Variants in FILIP1 observed in about 807,000 individuals in gnomAD.
FILIP1 encodes filamin-A-interacting protein 1.
In FILIP1, 61 loss-of-function variants were observed where a neutral mutation model predicts 102.1. The observed-to-expected ratio is 0.60, with a 90% CI of 0.49 to 0.74. FILIP1 has a LOEUF of 0.74. Among genes scored for constraint, FILIP1 ranks in the 30% least tolerant of loss-of-function variants. The pLI is 0.00. For synonymous variants in FILIP1, 491 were observed against 526.9 expected, an observed-to-expected ratio of 0.93 and a Z score of 0.93; for missense variants, 1,314 against 1,441.2, an observed-to-expected ratio of 0.91 and a Z score of 1.43.
intron 1 of FILIP1, among the ~76,000 whole-genome samples, chr6:75,456,765 G>A (rs1003807037): frequency 1.3e-5 from 2 of 151,976 alleles, no homozygotes; most frequent in Admixed American, 6.6e-5. Flanking sequence ...TCACCATGTT[G>A]GCCAGGATGG....
At chr6:75,461,944 A>G (rs1179925321) in intron 1 of FILIP1, among the ~76,000 whole-genome samples, 1 of 152,176 alleles carries the variant, frequency 6.6e-6, no homozygotes, top group Non-Finnish European at 1.5e-5. Context: ...ACAGGTCCTC[A>G]CTTGAAAAGT....
intron 1 of FILIP1, chr6:75,465,380 CAT>C (rs1399411333): frequency 6.1e-6 from 3 of 492,478 alleles, no homozygotes; most frequent in Non-Finnish European, 1.1e-5. Context: ...AGATTTGTAA[CAT>C]AAATTAATCT....
At chr6:75,444,423 T>C (rs1778374478) in intron 1 of FILIP1, among the ~76,000 whole-genome samples, 1 of 152,256 alleles carries the variant, frequency 6.6e-6, no homozygotes, top group Non-Finnish European at 1.5e-5. Context: ...GTGCTGGGCT[T>C]CTCATTGATA....
At chr6:75,298,858 C>T (rs1362816176) in intron 6 of FILIP1, among the ~76,000 whole-genome samples, 2 of 152,078 alleles carry the variant, frequency 1.3e-5, no homozygotes, top group Non-Finnish European at 2.9e-5. Context: ...GCGGAAGTTG[C>T]AGCGTGCCGA....
At position 75,315,191 on chromosome 6, in the gene FILIP1, A is replaced by C. The variant is rs367834294; in HGVS notation, c.641T>G (p.Leu214Arg). 6.5e-7 allele frequency: 1 copy of C among 1,541,114 alleles called. No homozygotes were observed. Among genetic ancestry groups the C allele is most frequent in the Non-Finnish European group, 8.7e-7 (1 of 1,149,720 alleles). Residue 214 changes from leucine to arginine, a missense_variant, in exon 5 of 6, where the codon CTC becomes CGC. Transcript: ENST00000237172. ...TTGATAAGCCTTTTCTTGTTCAAGG[A>C]GCTTTTTTAACCTAGAAAATAAAAT... The part of the protein sequence containing the change: ...LEQERERLKK[L>R]LEQEKAYQAR...
chr6:75,384,733 C>T (rs541769535), intron 2 of FILIP1: 2 of 151,408 alleles, frequency 1.3e-5, no homozygotes, highest in African/African-American at 4.9e-5. Context: ...GGCTCCAAGC[C>T]TTAGTGGACC....
chr6:75,473,769 C>T (rs1779398476), intron 1 of FILIP1: 1 of 152,160 alleles, frequency 6.6e-6, no homozygotes, highest in Non-Finnish European at 1.5e-5. Flanking sequence ...ACCCCCACTA[C>T]CACAAATTAT....
At chr6:75,461,061 C>T (rs146675780) in intron 1 of FILIP1, among the ~76,000 whole-genome samples, 2 of 152,234 alleles carry the variant, frequency 1.3e-5, no homozygotes, top group African/African-American at 2.4e-5. Context: ...CACTTTTGTA[C>T]TTATCAAATC....
At chr6:75,399,123 G>C (rs574593224) in intron 2 of FILIP1, 1 of 152,256 alleles carries the variant, frequency 6.6e-6, no homozygotes, top group African/African-American at 2.4e-5. Flanking sequence ...ATTGGCCCGT[G>C]TCACCATTGA....
intron 3 of FILIP1, among the ~76,000 whole-genome samples, chr6:75,356,642 T>G (rs902711360): frequency 2.0e-5 from 3 of 152,170 alleles, no homozygotes; most frequent in Non-Finnish European, 4.4e-5. Context: ...CTAGTTTTTG[T>G]ATTTTTAGTA....
intron 1 of FILIP1, among the ~76,000 whole-genome samples, chr6:75,429,080 T>A (rs1777731866): frequency 6.6e-6 from 1 of 152,158 alleles, no homozygotes; most frequent in South Asian, 2.1e-4. Flanking sequence ...TGTTTTTTTG[T>A]TATTGCAGAG....
At chr6:75,485,576 A>C (rs574983825) in intron 1 of FILIP1, among the ~76,000 whole-genome samples, 4 of 152,226 alleles carry the variant, frequency 2.6e-5, no homozygotes, top group African/African-American at 9.6e-5. Context: ...GAGAAAGCAA[A>C]GCATTATCTG....
intron 2 of FILIP1, among the ~76,000 whole-genome samples, chr6:75,372,471 C>T (rs1775555617): frequency 6.7e-6 from 1 of 148,880 alleles, no homozygotes; most frequent in African/African-American, 2.5e-5. Flanking sequence ...CTCAAATAGA[C>T]ATTTCTTCAA....
At chr6:75,460,499 T>C (rs11961310) in intron 1 of FILIP1, among the ~76,000 whole-genome samples, 2,399 of 152,318 alleles carry the variant, frequency 0.016, 104 homozygotes, top group East Asian at 0.11. Context: ...ATATTAGATA[T>C]TGAATCATTT....
intron 1 of FILIP1, among the ~76,000 whole-genome samples, chr6:75,424,756 C>T (rs948299269): frequency 2.0e-5 from 3 of 152,104 alleles, no homozygotes; most frequent in Non-Finnish European, 4.4e-5. Context: ...AACAAGTTAA[C>T]CTCCATGGGG....
chr6:75,372,682 A>G (rs868497770), intron 2 of FILIP1, among the ~76,000 whole-genome samples: 8 of 51,832 alleles, frequency 1.5e-4, no homozygotes, highest in African/African-American at 1.1e-3. Context: ...AGAAAGAAAG[A>G]AAGAGAAAGA....
chr6:75,487,056 CA>C (rs1250327014), intron 1 of FILIP1, among the ~76,000 whole-genome samples: 2 of 152,056 alleles, frequency 1.3e-5, no homozygotes, highest in African/African-American at 2.4e-5. Context: ...TTGGTGTATT[CA>C]AACCAGAAGA....
chr6:75,313,977 A>G lies in FILIP1; in HGVS notation c.1855T>C (p.Ser619Pro), dbSNP rs763182010. ...TTATCTTCCGGGCAGGTGAGCTCAG[A>G]CCCTTTTCGTGACCTTCCTCTTGTT... The part of the protein sequence containing the change: ...EITRGRSRKG[S>P]ELTCPEDNKI... Residue 619 changes from serine to proline, a missense_variant, in exon 5 of 6, where the codon TCT becomes CCT. Physicochemically the swap from Ser to Pro is moderately conservative, Grantham distance 74. This residue lies in a region of FILIP1 where 816 missense variants were observed against 913.1 expected (regional missense o/e 0.89). Coordinates refer to ENST00000237172, the MANE Select transcript of FILIP1 (RefSeq NM_015687.5). The surrounding 1 kb of genome is among the most constrained non-coding windows in gnomAD (Gnocchi z 4.2). The G allele has an allele frequency of 6.3e-7, 1 of 1,582,920 alleles. No homozygotes were observed. Among genetic ancestry groups the G allele is most frequent in the South Asian group, 1.2e-5 (1 of 84,630 alleles).
At chr6:75,324,559 C>A (rs977873993) in intron 4 of FILIP1, among the ~76,000 whole-genome samples, 1 of 152,112 alleles carries the variant, frequency 6.6e-6, no homozygotes, top group African/African-American at 2.4e-5. Context: ...AAAATGTCAT[C>A]ATCATTCTTC....
Sources: allele counts gnomAD v4.1 joint callset (sites outside exome capture counted in the v4.1 genomes callset), GRCh38; gene constraint gnomAD v4.1.1; regional missense constraint gnomAD v4.1.1; non-coding constraint Gnocchi (gnomAD v3.1); transcripts MANE v1.5; gene names NCBI Gene and HGNC (gene_info 2026-07-23, HGNC 2026-07-21).